SGCZ: variants seen among roughly 807,000 people sequenced by gnomAD.
SGCZ encodes the protein sarcoglycan zeta.
Under a neutral mutation model 41.3 loss-of-function variants are expected in SGCZ, and 40 were observed. That is an observed-to-expected ratio of 0.97 (90% CI 0.75 to 1.26). The LOEUF is 1.26. SGCZ is among the 50% of genes most tolerant of loss of function. The pLI, the probability that SGCZ is intolerant of heterozygous loss-of-function variation, is 0.00. For synonymous variants in SGCZ, 206 were observed against 137.5 expected, an observed-to-expected ratio of 1.50 and a Z score of -3.49; for missense variants, 552 against 369.8, an observed-to-expected ratio of 1.49 and a Z score of -4.04.
At position 15,100,204 on chromosome 8, in the gene SGCZ, C is replaced by T. The variant is rs146797864; in HGVS notation, c.39+137381G>A. ...ACTTGATTGTCTATGCAGAAAATTGCAAAACCTGAAAACAAAATTTCCTGG... is the reference window on the plus strand; with the variant it reads ...ACTTGATTGTCTATGCAGAAAATTGTAAAACCTGAAAACAAAATTTCCTGG... On this transcript the variant is annotated intron_variant, in intron 1 of 7. Transcript: ENST00000382080. Among the ~76,000 whole-genome samples the T allele has an allele frequency of 3.6e-3, 547 of 152,144 alleles. 5 individuals carry two copies. The highest frequency in any genetic ancestry group is 7.1e-3 in the East Asian group (37 of 5,178).
chr8:14,170,466 T>C (rs1585198291), intron 4 of SGCZ, among the ~76,000 whole-genome samples: 1 of 152,264 alleles, frequency 6.6e-6, no homozygotes, highest in East Asian at 1.9e-4. Context: ...GCAAGCCATT[T>C]AATAAACTAA....
chr8:14,495,787 G>T (rs201106744), intron 2 of SGCZ, among the ~76,000 whole-genome samples: 1 of 145,314 alleles, frequency 6.9e-6, no homozygotes, highest in Non-Finnish European at 1.5e-5. Context: ...ACGTTTTTTT[G>T]AAAAACTGTA....
intron 2 of SGCZ, among the ~76,000 whole-genome samples, chr8:14,460,919 T>C (rs1800884273): frequency 6.6e-6 from 1 of 152,212 alleles, no homozygotes; most frequent in South Asian, 2.1e-4. Flanking sequence ...CATATTCTCC[T>C]GTTAAAATCA....
chr8:14,702,976 G>T (rs2117604495), intron 1 of SGCZ, among the ~76,000 whole-genome samples: 1 of 151,522 alleles, frequency 6.6e-6, no homozygotes, highest in South Asian at 2.1e-4. Flanking sequence ...TAGATAGACA[G>T]ACAGACAGAC....
intron 1 of SGCZ, among the ~76,000 whole-genome samples, chr8:14,846,386 A>T (rs1803101500): frequency 6.6e-6 from 1 of 152,124 alleles, no homozygotes; most frequent in African/African-American, 2.4e-5. Flanking sequence ...ATTAAAAAAA[A>T]TCAAAAGTTG....
chr8:14,937,041 A>C (rs1444435355), intron 1 of SGCZ, among the ~76,000 whole-genome samples: 1 of 151,846 alleles, frequency 6.6e-6, no homozygotes, highest in Non-Finnish European at 1.5e-5. Flanking sequence ...CTGTAATGAT[A>C]AGAGCAGAGA....
intron 2 of SGCZ, among the ~76,000 whole-genome samples, chr8:14,542,097 T>C (rs1803487401): frequency 6.6e-6 from 1 of 152,150 alleles, no homozygotes; most frequent in African/African-American, 2.4e-5. Flanking sequence ...TTCACTCTGA[T>C]GATATTTTCT....
chr8:15,083,904 A>G (rs889562004), intron 1 of SGCZ, among the ~76,000 whole-genome samples: 1 of 152,116 alleles, frequency 6.6e-6, no homozygotes, highest in Non-Finnish European at 1.5e-5. Flanking sequence ...TTGTTTTAAA[A>G]AGTTAAATTC....
At chr8:14,905,879 A>G (rs1163224988) in intron 1 of SGCZ, among the ~76,000 whole-genome samples, 3 of 152,112 alleles carry the variant, frequency 2.0e-5, no homozygotes, top group African/African-American at 7.2e-5. Context: ...ATTTATATAC[A>G]CACATACACC....
intron 1 of SGCZ, among the ~76,000 whole-genome samples, chr8:15,169,667 T>C (rs1485198421): frequency 6.6e-6 from 1 of 152,196 alleles, no homozygotes; most frequent in Non-Finnish European, 1.5e-5. Context: ...TGGGATCAGC[T>C]TTTCTTGAGG....
At chr8:14,881,511 T>C (rs924491931) in intron 1 of SGCZ, among the ~76,000 whole-genome samples, 1 of 152,082 alleles carries the variant, frequency 6.6e-6, no homozygotes, top group Non-Finnish European at 1.5e-5. Flanking sequence ...ACAGCAATGA[T>C]TCAGGCCCAC....
At chr8:14,415,846 A>G (rs957774800) in intron 2 of SGCZ, among the ~76,000 whole-genome samples, 1 of 151,930 alleles carries the variant, frequency 6.6e-6, no homozygotes, top group African/African-American at 2.4e-5. Context: ...AATACACATA[A>G]CTTGGCCAGT....
At chr8:14,904,370 A>G (rs981765158) in intron 1 of SGCZ, among the ~76,000 whole-genome samples, 4 of 152,032 alleles carry the variant, frequency 2.6e-5, no homozygotes, top group African/African-American at 9.7e-5. Flanking sequence ...ATCCTTTCCA[A>G]AAAAGATTAG....
At chr8:14,274,949 T>A (rs1049497289) in intron 3 of SGCZ, among the ~76,000 whole-genome samples, 30 of 152,118 alleles carry the variant, frequency 2.0e-4, no homozygotes, top group Admixed American at 1.6e-3. Flanking sequence ...CTTCCTATCT[T>A]AGGTTTGGTC....
At chr8:15,167,865 C>A (rs1436154069) in intron 1 of SGCZ, among the ~76,000 whole-genome samples, 3 of 152,166 alleles carry the variant, frequency 2.0e-5, no homozygotes, top group Non-Finnish European at 2.9e-5. Flanking sequence ...GGGTAATGTA[C>A]AAATCCTGAT....
chr8:15,234,705 A>G (rs904328197), intron 1 of SGCZ, among the ~76,000 whole-genome samples: 3 of 152,192 alleles, frequency 2.0e-5, no homozygotes, highest in African/African-American at 7.2e-5. Flanking sequence ...AGAAAACACT[A>G]TTGACACTGC....
At chr8:14,525,156 ATAGATAGATAGAT>A (rs1313560485) in intron 2 of SGCZ, among the ~76,000 whole-genome samples, 10 of 45,856 alleles carry the variant, frequency 2.2e-4, no homozygotes, top group African/African-American at 5.7e-4. Context: ...AGATAGATAG[ATAGATAGATAGAT>A]AGATAGATAG....
chr8:15,166,764 T>C (rs1327803722), intron 1 of SGCZ, among the ~76,000 whole-genome samples: 1 of 150,496 alleles, frequency 6.6e-6, no homozygotes, highest in Non-Finnish European at 1.5e-5. Flanking sequence ...TCACAGACAA[T>C]TGTTGTCTTG....
At chr8:14,672,996 A>T (rs1173734267) in intron 1 of SGCZ, among the ~76,000 whole-genome samples, 1 of 152,168 alleles carries the variant, frequency 6.6e-6, no homozygotes, top group Non-Finnish European at 1.5e-5. Flanking sequence ...TTCAAGCAAA[A>T]GTAATTTATA....
Sources: gnomAD v4.1 joint callset for allele counts (sites outside exome capture counted in the v4.1 genomes callset) on GRCh38, gnomAD v4.1.1 for gene constraint, MANE v1.5 for transcripts, NCBI Gene and HGNC (gene_info 2026-07-23, HGNC 2026-07-21) for gene names.